Variants in PARD3 observed in about 807,000 individuals in gnomAD.
PARD3 encodes the protein par-3 family cell polarity regulator.
In PARD3, 75 loss-of-function variants were observed where a neutral mutation model predicts 155.4. The observed-to-expected ratio is 0.48, with a 90% CI of 0.40 to 0.58. The LOEUF (loss-of-function observed/expected upper bound fraction) is 0.58, where lower values mean the gene tolerates loss of function less well. PARD3 is among the 20% of genes least tolerant of loss of function. The pLI is 0.00. For missense variants in PARD3, 1,642 were observed against 1,721.7 expected (o/e 0.95, Z 0.82); for synonymous variants, 576 against 610.5 (o/e 0.94, Z 0.83).
chr10:34,244,380 T>G (rs1310801636), intron 22 of PARD3, among the ~76,000 whole-genome samples: 2 of 152,192 alleles, frequency 1.3e-5, no homozygotes, highest in East Asian at 3.8e-4. Flanking sequence ...CAGTCTTGCC[T>G]GAATAACGGC....
intron 2 of PARD3, among the ~76,000 whole-genome samples, chr10:34,579,394 C>A (rs1287187699): frequency 1.3e-5 from 2 of 152,292 alleles, no homozygotes; most frequent in Admixed American, 6.5e-5. Flanking sequence ...GTCAGGTGAG[C>A]CCTTCCGTAA....
At chr10:34,514,928 G>C (rs1428203762) in intron 3 of PARD3, among the ~76,000 whole-genome samples, 2 of 152,118 alleles carry the variant, frequency 1.3e-5, no homozygotes, top group African/African-American at 4.8e-5. Context: ...CTTTAGAAAA[G>C]ATACAAGTAC....
rs1471878849 is a variant in PARD3, at chr10:34,332,608, ATG to A, written c.2606-1266_2606-1265del. 4.5e-4 allele frequency among the ~76,000 whole-genome samples: 68 copies of A among 152,232 alleles called. 1 individual carries two copies. The highest frequency in any genetic ancestry group is 8.8e-5 in the Non-Finnish European group (6 of 68,044). On this transcript the variant is annotated intron_variant, in intron 18 of 24. Transcript: ENST00000374788. ...AAATTTAATTTTTTAAGATTCACTGATGTTAAATGAAGCTATTTTGGGTAAGA... is the reference window on the plus strand; with the variant it reads ...AAATTTAATTTTTTAAGATTCACTGATTAAATGAAGCTATTTTGGGTAAGA...
At chr10:34,740,282 C>T (rs950179708) in intron 1 of PARD3, among the ~76,000 whole-genome samples, 19 of 152,140 alleles carry the variant, frequency 1.2e-4, no homozygotes, top group African/African-American at 3.9e-4. Context: ...GAGAGGGCTC[C>T]GACAGCCCTC....
chr10:34,799,439 C>T (rs1401056608), intron 1 of PARD3, among the ~76,000 whole-genome samples: 1 of 152,130 alleles, frequency 6.6e-6, no homozygotes, highest in Non-Finnish European at 1.5e-5. Flanking sequence ...GGCCCAGAGG[C>T]CACACCAGAG....
chr10:34,460,395 G>A (rs1298201747), intron 4 of PARD3, among the ~76,000 whole-genome samples: 1 of 152,074 alleles, frequency 6.6e-6, no homozygotes, highest in Non-Finnish European at 1.5e-5. Flanking sequence ...AAAAGTGCAA[G>A]TACCCAGCCA....
At chr10:34,125,705 T>C (rs1179952911) in intron 23 of PARD3, among the ~76,000 whole-genome samples, 2 of 152,144 alleles carry the variant, frequency 1.3e-5, no homozygotes, top group Non-Finnish European at 2.9e-5. Context: ...TTGTTATTCA[T>C]TGAATGACGG....
At chr10:34,227,854 T>TATATATATATATATATATATATATA (rs1952683542) in intron 22 of PARD3, among the ~76,000 whole-genome samples, 18 of 26,498 alleles carry the variant, frequency 6.8e-4, no homozygotes, top group African/African-American at 1.2e-3. Context: ...GGGAATTATT[T>TATATATATATATATATATATATATA]TTTATATATA....
rs568672135 is a variant in PARD3 at position 34,662,871 on chromosome 10, G to GAAAAAAAAAAAAA, written c.222+33434_222+33446dup. ...TGGGTGACAGTGAGAAACTGTCTCA[G>GAAAAAAAAAAAAA]AAAAAAAAAAAAAAAGAATCAAACT... On this transcript the variant is annotated intron_variant, in intron 2 of 24. Transcript: ENST00000374788. 2.7e-3 allele frequency among the ~76,000 whole-genome samples: 339 copies of GAAAAAAAAAAAAA among 123,550 alleles called. 6 individuals are homozygous for GAAAAAAAAAAAAA. Among genetic ancestry groups the GAAAAAAAAAAAAA allele is most frequent in the African/African-American group, 9.7e-3 (319 of 32,938 alleles). The allele number at this position is 123,550 out of a possible 152,430, so 81.1% of individuals were successfully genotyped here. A position where few individuals can be genotyped will look rare whatever the true frequency, so the allele number is the denominator to read the frequency against.
intron 1 of PARD3, among the ~76,000 whole-genome samples, chr10:34,738,918 C>T (rs1435974866): frequency 2.6e-5 from 4 of 152,144 alleles, no homozygotes; most frequent in Non-Finnish European, 4.4e-5. Context: ...TAGCATAAAA[C>T]ATAAAACCAG....
At chr10:34,738,046 T>C (rs1564565198) in intron 1 of PARD3, among the ~76,000 whole-genome samples, 1 of 152,210 alleles carries the variant, frequency 6.6e-6, no homozygotes, top group Non-Finnish European at 1.5e-5. Flanking sequence ...ATACAGGATA[T>C]GGGTCTTACT....
intron 5 of PARD3, among the ~76,000 whole-genome samples, chr10:34,426,174 G>C (rs2075593971): frequency 6.6e-6 from 1 of 152,016 alleles, no homozygotes; most frequent in Non-Finnish European, 1.5e-5. Flanking sequence ...TCACTTACTA[G>C]GTAGGTAACA....
At chr10:34,536,187 T>C (rs1054586262) in intron 2 of PARD3, among the ~76,000 whole-genome samples, 1 of 152,170 alleles carries the variant, frequency 6.6e-6, no homozygotes, top group Non-Finnish European at 1.5e-5. Flanking sequence ...GAGCCACTTG[T>C]AGGACTTCAG....
At chr10:34,515,581 T>A (rs531763939) in intron 3 of PARD3, among the ~76,000 whole-genome samples, 62 of 152,320 alleles carry the variant, frequency 4.1e-4, no homozygotes, top group African/African-American at 1.3e-3. Context: ...TATGGCGCAT[T>A]GTCCTGTGGG....
At position 34,814,864 on chromosome 10, in the gene PARD3, C is replaced by T. The variant is rs1564647346; in HGVS notation, c.120+12G>A. On this transcript the variant is annotated intron_variant, in intron 1 of 24. Coordinates refer to ENST00000374788, the MANE Select transcript of PARD3 (RefSeq NM_001184785.2). ...CGCCGCCCCCTCCCCGCCCGCGCCC[C>T]CGGCCCCTCACCTTGGCGATGGCCT... 1 of 1,507,622 alleles carries T rather than the reference C, an allele frequency of 6.6e-7. No individual in the cohort carries two copies. The highest frequency in any genetic ancestry group is 1.2e-5 in the South Asian group (1 of 81,174). 93.4% of individuals were successfully genotyped at this position (1,507,622 alleles called of 1,614,324 possible). A position where few individuals can be genotyped will look rare whatever the true frequency, so the allele number is the denominator to read the frequency against.
chr10:34,240,905 G>T (rs996622797), intron 22 of PARD3, among the ~76,000 whole-genome samples: 6 of 152,142 alleles, frequency 3.9e-5, no homozygotes, highest in African/African-American at 1.4e-4. Flanking sequence ...GCTCAGGGGT[G>T]AGGAGCCCAC....
chr10:34,133,352 T>C (rs545676105), intron 22 of PARD3, among the ~76,000 whole-genome samples: 47 of 152,208 alleles, frequency 3.1e-4, no homozygotes, highest in Admixed American at 1.2e-3. Context: ...AGCAGTCAAA[T>C]AGACAAGCCA....
rs568364016 is a variant in PARD3, at chr10:34,390,816, GT to G, written c.891-6563del. Among the ~76,000 whole-genome samples the G allele has an allele frequency of 2.7e-4, 41 of 152,096 alleles. No homozygotes were observed. The East Asian group carries it at 6.4e-3, about 24-fold the overall frequency. ...ACAAAAGGGTATAACAAACAATATA[GT>G]TTTTTTTGTGTGTGTACACATTTAG... On this transcript the variant is annotated intron_variant, in intron 7 of 24. Coordinates refer to ENST00000374788, the MANE Select transcript of PARD3 (RefSeq NM_001184785.2).
chr10:34,238,994 G>T (rs1010297052), intron 22 of PARD3, among the ~76,000 whole-genome samples: 1 of 152,050 alleles, frequency 6.6e-6, no homozygotes, highest in African/African-American at 2.4e-5. Flanking sequence ...TAAGAGCACT[G>T]ACATATTTTA....
Sources: gnomAD v4.1 joint callset for allele counts (sites outside exome capture counted in the v4.1 genomes callset) on GRCh38, gnomAD v4.1.1 for gene constraint, MANE v1.5 for transcripts, NCBI Gene and HGNC (gene_info 2026-07-23, HGNC 2026-07-21) for gene names.